Variants in ATP8A2 observed in about 807,000 individuals in gnomAD.
ATP8A2 encodes the protein ATPase phospholipid transporting 8A2.
A neutral mutation model predicts 165.6 loss-of-function variants in ATP8A2; 100 were observed. That is an observed-to-expected ratio of 0.60 (90% CI 0.51 to 0.71). ATP8A2 has a LOEUF of 0.71. ATP8A2 is among the 30% of genes least tolerant of loss of function. The pLI is 0.00. For synonymous variants in ATP8A2, 543 were observed against 548.8 expected, an observed-to-expected ratio of 0.99 and a Z score of 0.15; for missense variants, 1,227 against 1,479.5, an observed-to-expected ratio of 0.83 and a Z score of 2.80.
chr13:25,909,345 TA>T (rs1351100580), intron 33 of ATP8A2, among the ~76,000 whole-genome samples: 1 of 152,190 alleles, frequency 6.6e-6, no homozygotes, highest in African/African-American at 2.4e-5. Context: ...ACTTATTTGA[TA>T]ACTACACAAT....
chr13:25,769,719 A>G (rs925710676), intron 26 of ATP8A2, among the ~76,000 whole-genome samples: 1 of 152,058 alleles, frequency 6.6e-6, no homozygotes, highest in Non-Finnish European at 1.5e-5. Flanking sequence ...CCTTCTCTGT[A>G]GTTATGAGAG....
intron 25 of ATP8A2, among the ~76,000 whole-genome samples, chr13:25,757,072 A>T (rs1191715469): frequency 1.3e-5 from 2 of 152,086 alleles, no homozygotes; most frequent in Non-Finnish European, 2.9e-5. Context: ...TCCCCACAGC[A>T]TACACTAAAC....
Position 25,701,351 on chromosome 13 carries a change from C to A in ATP8A2, c.2384+2006C>A, listed in dbSNP as rs147647850. Reference sequence around the variant, plus strand: ...GGATGGAAAGAATGGTGGGGAAATACTTTTATTCATAAATTTCCCTTTGTT... The same window carrying A: ...GGATGGAAAGAATGGTGGGGAAATAATTTTATTCATAAATTTCCCTTTGTT... On this transcript the variant is annotated intron_variant, in intron 25 of 36. Coordinates refer to ENST00000381655, the MANE Select transcript of ATP8A2 (RefSeq NM_016529.6). Among the ~76,000 whole-genome samples, 17 of 152,238 alleles carry A rather than the reference C, an allele frequency of 1.1e-4. No homozygotes were observed. The East Asian group carries it at 3.1e-3, about 28-fold the overall frequency.
At position 25,837,423 on chromosome 13, in the gene ATP8A2, C is replaced by CCACA. The variant is rs72194516; in HGVS notation, c.2877+182_2877+185dup. ...AAAACATGATCCACTCACCCCACCA[C>CCACA]CACACACACACACACACACACACAC... On this transcript the variant is annotated intron_variant, in intron 29 of 36. Coordinates refer to ENST00000381655, the MANE Select transcript of ATP8A2 (RefSeq NM_016529.6). 1.8e-4 allele frequency: 55 copies of CCACA among 311,594 alleles called. 1 individual carries two copies. The highest frequency in any genetic ancestry group is 7.0e-4 in the African/African-American group (29 of 41,586). 19.3% of individuals were successfully genotyped at this position (311,594 alleles called of 1,614,324 possible).
intron 25 of ATP8A2, among the ~76,000 whole-genome samples, chr13:25,708,768 A>C (rs1006797232): frequency 9.2e-5 from 14 of 152,326 alleles, no homozygotes; most frequent in African/African-American, 3.1e-4. Context: ...TTTAGAGAGG[A>C]AACAAATGAC....
In ATP8A2 at chr13:25,372,570, C is replaced by CG. The variant is rs1284050921; in HGVS notation, c.76+282_76+283insG. ...TACAGATGTGTGTGTGTGTGTGCGG[C>CG]CTCCCTGTGCGCGTGCCCGTGCGCC... On this transcript the variant is annotated intron_variant, in intron 1 of 36. Transcript: ENST00000381655. This position sits in a 1 kb window ranked among gnomAD's most constrained non-coding sequence, Gnocchi z 4.8. Among the ~76,000 whole-genome samples the CG allele has an allele frequency of 2.0e-5, 3 of 151,868 alleles. No individual in the cohort carries two copies. Among genetic ancestry groups the CG allele is most frequent in the East Asian group, 3.9e-4 (2 of 5,144 alleles).
chr13:25,640,226 T>C (rs1469087414), intron 24 of ATP8A2, among the ~76,000 whole-genome samples: 1 of 152,072 alleles, frequency 6.6e-6, no homozygotes, highest in Non-Finnish European at 1.5e-5. Context: ...ATTCAAAAGC[T>C]AGCAGAAGGC....
In ATP8A2 at chr13:26,013,645, G is replaced by A. The variant is rs146243088; in HGVS notation, c.3469+1023G>A. 9.0e-4 allele frequency among the ~76,000 whole-genome samples: 135 copies of A among 150,520 alleles called. 2 individuals are homozygous for A. The highest frequency in any genetic ancestry group is 3.2e-3 in the African/African-American group (131 of 40,874). On this transcript the variant is annotated intron_variant, in intron 36 of 36. Coordinates refer to ENST00000381655, the MANE Select transcript of ATP8A2 (RefSeq NM_016529.6). ...GCCGAGGTCATGCCATTGCACTCCA[G>A]CCTGGGCAACAAGAGCGAAACTTGG... is the stretch of plus-strand genomic sequence containing the variant.
intron 33 of ATP8A2, among the ~76,000 whole-genome samples, chr13:25,952,335 G>A (rs1253078061): frequency 5.9e-5 from 9 of 152,052 alleles, no homozygotes; most frequent in Admixed American, 5.2e-4. Context: ...TGGCAAATTA[G>A]CGTGGGCTCA....
chr13:25,468,631 C>G (rs993180263), intron 1 of ATP8A2, among the ~76,000 whole-genome samples: 3 of 152,156 alleles, frequency 2.0e-5, no homozygotes, highest in Non-Finnish European at 4.4e-5. Flanking sequence ...CCCGCGCGGT[C>G]GCCCACCCCG....
intron 33 of ATP8A2, among the ~76,000 whole-genome samples, chr13:25,921,390 G>A (rs571155865): frequency 6.6e-5 from 10 of 151,994 alleles, no homozygotes; most frequent in African/African-American, 2.4e-4. Context: ...GGCTGAGGCG[G>A]GTGGATCACG....
chr13:25,974,384 CT>C (rs1216122440), intron 35 of ATP8A2, among the ~76,000 whole-genome samples: 3 of 151,928 alleles, frequency 2.0e-5, no homozygotes, highest in Non-Finnish European at 4.4e-5. Context: ...GGTGTGCCCC[CT>C]AGTCTGAGGT....
chr13:25,618,649 A>G (rs1010874242), intron 24 of ATP8A2, among the ~76,000 whole-genome samples: 8 of 149,468 alleles, frequency 5.4e-5, no homozygotes, highest in South Asian at 2.1e-4. Flanking sequence ...AGGAAACCCA[A>G]TTATGTCCCT....
At chr13:25,649,655 C>T (rs890527028) in intron 24 of ATP8A2, among the ~76,000 whole-genome samples, 2 of 152,068 alleles carry the variant, frequency 1.3e-5, no homozygotes, top group African/African-American at 2.4e-5. Flanking sequence ...TGAGGTCACA[C>T]CAGGTGTTGT....
rs116537508 is a variant in ATP8A2, at chr13:25,382,325, A to G, written c.76+10037A>G. ...TGCCTATCTGTACCACAGTGTATCAATTCACCTACTGAAGAACATCTTGGG... is the reference window on the plus strand; with the variant it reads ...TGCCTATCTGTACCACAGTGTATCAGTTCACCTACTGAAGAACATCTTGGG... On this transcript the variant is annotated intron_variant, in intron 1 of 36. Transcript: ENST00000381655. Among the ~76,000 whole-genome samples, 722 of 152,326 alleles carry G rather than the reference A, an allele frequency of 4.7e-3. 6 individuals carry two copies. The highest frequency in any genetic ancestry group is 0.017 in the African/African-American group (691 of 41,572).
intron 27 of ATP8A2, among the ~76,000 whole-genome samples, chr13:25,814,823 C>T (rs1473107868): frequency 6.6e-6 from 1 of 152,094 alleles, no homozygotes; most frequent in Non-Finnish European, 1.5e-5. Context: ...TGCGACCAGT[C>T]TGGGCAACGT....
chr13:25,577,174 C>T (rs1002287502), intron 20 of ATP8A2, 36 bp downstream of exon 20: 6 of 1,560,040 alleles, frequency 3.8e-6, no homozygotes, highest in Non-Finnish European at 5.3e-6. Flanking sequence ...TAGCGGAGTT[C>T]TTGGCAGCTT....
intron 34 of ATP8A2, among the ~76,000 whole-genome samples, chr13:25,964,734 C>T (rs943432099): frequency 6.6e-6 from 1 of 152,212 alleles, no homozygotes; most frequent in Admixed American, 6.5e-5. Flanking sequence ...GAAGACCCTA[C>T]CCTGTGATGG....
chr13:25,747,551 C>T (rs1450222175), intron 25 of ATP8A2, among the ~76,000 whole-genome samples: 2 of 151,898 alleles, frequency 1.3e-5, no homozygotes, highest in Non-Finnish European at 1.5e-5. Flanking sequence ...AGGAGGTAAG[C>T]TCAGTCATGG....
Sources: allele counts gnomAD v4.1 joint callset (sites outside exome capture counted in the v4.1 genomes callset), GRCh38; gene constraint gnomAD v4.1.1; non-coding constraint Gnocchi (gnomAD v3.1); transcripts MANE v1.5; gene names NCBI Gene and HGNC (gene_info 2026-07-23, HGNC 2026-07-21).